Variants in LHFPL4 observed in about 807,000 individuals in gnomAD.
LHFPL4 encodes LHFPL tetraspan subfamily member 4 protein.
In LHFPL4, 6 loss-of-function variants were observed where a neutral mutation model predicts 20.0. That is an observed-to-expected ratio of 0.30 (90% CI 0.16 to 0.59). The LOEUF (loss-of-function observed/expected upper bound fraction) is 0.59. Ranked by LOEUF, LHFPL4 falls within the 20% of genes least tolerant of loss-of-function variation. The probability of loss-of-function intolerance (pLI) is 0.88; values close to 1 mark genes in which losing one functional copy is unlikely to be tolerated. For synonymous variants in LHFPL4, 129 were observed against 143.8 expected (o/e 0.90, Z 0.74); for missense variants, 215 against 331.2 (o/e 0.65, Z 2.72).
intron 3 of LHFPL4, among the ~76,000 whole-genome samples, chr3:9,502,729 C>A (rs1193895879): frequency 6.6e-6 from 1 of 151,402 alleles, no homozygotes; most frequent in African/African-American, 2.4e-5. Context: ...GTCAGAGGGG[C>A]AGAGGGGCAG....
rs2046180994 is a variant in LHFPL4 at position 9,502,127 on chromosome 3, C to T, written c.*84G>A. On this transcript the variant is annotated 3_prime_UTR_variant, in exon 4 of 4. Transcript: ENST00000287585. The stretch of plus-strand genomic sequence containing the variant: ...AGTAAGTCTGAGATCAGGGTCTTCC[C>T]TCAGAGCTTGAATGGAGTGACGAGA... 5.0e-6 allele frequency: 5 copies of T among 992,324 alleles called. 1 individual carries two copies. The highest frequency in any genetic ancestry group is 8.0e-6 in the Non-Finnish European group (5 of 626,546). The allele number at this position is 992,324 out of a possible 1,614,324, so 61.5% of individuals were successfully genotyped here. A position where few individuals can be genotyped will look rare whatever the true frequency, so the allele number is the denominator to read the frequency against.
At position 9,552,652 on chromosome 3, in the gene LHFPL4, G is replaced by A. The variant is rs141038475; in HGVS notation, c.28C>T (p.Leu10Phe). ...TTCCGCATGTAGTGCTCGTGGTAGAGCTTGGAGGCCTCCTGCGAGGGCAGC... is the reference window on the plus strand; with the variant it reads ...TTCCGCATGTAGTGCTCGTGGTAGAACTTGGAGGCCTCCTGCGAGGGCAGC... MLPSQEASK[L>F]YHEHYMRNSR... The change falls in exon 2 of 4, where the codon CTC becomes TTC. Residue 10 changes from leucine (L) to phenylalanine (F), a missense_variant. By Grantham distance (22) the Leu-to-Phe change is conservative. This residue lies in a region of LHFPL4 where 164 missense variants were observed against 286.7 expected (regional missense o/e 0.57). Coordinates refer to ENST00000287585, the MANE Select transcript of LHFPL4 (RefSeq NM_198560.3). The A allele has an allele frequency of 1.2e-6, 2 of 1,604,738 alleles. No individual in the cohort carries two copies. Among genetic ancestry groups the A allele is most frequent in the Non-Finnish European group, 1.7e-6 (2 of 1,175,920 alleles).
At chr3:9,526,007 G>A (rs1435040774) in intron 2 of LHFPL4, among the ~76,000 whole-genome samples, 6 of 152,126 alleles carry the variant, frequency 3.9e-5, no homozygotes, top group Admixed American at 1.3e-4. Flanking sequence ...AAAAAAGTAG[G>A]GGATGGTATA....
rs199638132 is a variant in LHFPL4 at position 9,536,282 on chromosome 3, C to A, written c.406+15992G>T. Among the ~76,000 whole-genome samples, 449 of 152,282 alleles carry A rather than the reference C, an allele frequency of 2.9e-3. 1 individual carries two copies. The highest frequency in any genetic ancestry group is 5.1e-3 in the Non-Finnish European group (348 of 68,020). ...TGTTCCTGCCCATCCAGGGCAGGGG[C>A]TTATCTTACAAGGGAGACTGAGCTT... On this transcript the variant is annotated intron_variant, in intron 2 of 3. Transcript: ENST00000287585.
At chr3:9,504,913 A>C (rs1335634752) in intron 3 of LHFPL4, among the ~76,000 whole-genome samples, 3 of 148,016 alleles carry the variant, frequency 2.0e-5, no homozygotes, top group Non-Finnish European at 4.5e-5. Flanking sequence ...TAAATATATC[A>C]CTCTGTCATC....
intron 2 of LHFPL4, among the ~76,000 whole-genome samples, chr3:9,525,567 C>T (rs1029687769): frequency 6.6e-6 from 1 of 152,182 alleles, no homozygotes; most frequent in African/African-American, 2.4e-5. Context: ...TTCCAAGCTT[C>T]TTACATCCCT....
chr3:9,516,499 A>G (rs900549517), intron 2 of LHFPL4, among the ~76,000 whole-genome samples: 2 of 150,936 alleles, frequency 1.3e-5, no homozygotes, highest in African/African-American at 4.9e-5. Context: ...GAGACGTTGG[A>G]GTCTCACTCT....
intron 2 of LHFPL4, 36 bp downstream of exon 2, chr3:9,552,238 G>T (rs766955767): frequency 1.3e-6 from 2 of 1,552,766 alleles, no homozygotes; most frequent in Non-Finnish European, 1.7e-6. Flanking sequence ...CGTCCCTGGC[G>T]CTTGTTCTGG....
At chr3:9,537,504 A>C (rs896471601) in intron 2 of LHFPL4, among the ~76,000 whole-genome samples, 2 of 152,208 alleles carry the variant, frequency 1.3e-5, no homozygotes, top group African/African-American at 4.8e-5. Context: ...CAAGGAGTCC[A>C]CAGCCTGTTA....
At chr3:9,507,555 C>T (rs1161025612) in intron 2 of LHFPL4, among the ~76,000 whole-genome samples, 1 of 152,186 alleles carries the variant, frequency 6.6e-6, no homozygotes, top group East Asian at 1.9e-4. Context: ...GTAATAATTA[C>T]ACAAATAAGA....
chr3:9,539,589 C>G (rs1249354355), intron 2 of LHFPL4, among the ~76,000 whole-genome samples: 2 of 149,770 alleles, frequency 1.3e-5, no homozygotes, highest in African/African-American at 5.0e-5. Flanking sequence ...AGGTATAACA[C>G]TAAACCCAGC....
rs530132942 is a variant in LHFPL4 at position 9,512,139 on chromosome 3, G to T, written c.407-5936C>A. The stretch of plus-strand genomic sequence containing the variant: ...AGTAGAGACGGGGTTTCAAGTGTTA[G>T]CCAGGATGGTCTCGATCTCCTGACC... On this transcript the variant is annotated intron_variant, in intron 2 of 3. Transcript: ENST00000287585. 3.3e-5 allele frequency among the ~76,000 whole-genome samples: 5 copies of T among 152,292 alleles called. No individual in the cohort carries two copies. In the South Asian group the frequency reaches 1.0e-3, roughly 32 times the overall value.
Position 9,506,106 on chromosome 3 carries a change from C to T in LHFPL4, c.504G>A (p.Leu168=). The part of the protein sequence containing the change: ...MCGAKTGKYS[L]GDCSVRWAYI... ...ATGCCCAGCGCACTGAACAGTCCCC[C>T]AGGGAGTACTTCCCCGTCTTGGCCC... Residue 168 remains leucine (L), a synonymous_variant, in exon 3 of 4, where the codon CTG becomes CTA. Transcript: ENST00000287585. The surrounding 1 kb of genome is among the most constrained non-coding windows in gnomAD (Gnocchi z 4.5). The T allele has an allele frequency of 6.2e-7, 1 of 1,614,204 alleles. No homozygotes were observed. Among genetic ancestry groups the T allele is most frequent in the Non-Finnish European group, 8.5e-7 (1 of 1,180,036 alleles).
In LHFPL4 at chr3:9,537,701, C is replaced by T. The variant is rs2125665006; in HGVS notation, c.406+14573G>A. 1.3e-5 allele frequency among the ~76,000 whole-genome samples: 2 copies of T among 152,254 alleles called. 1 individual carries two copies. Among genetic ancestry groups the T allele is most frequent in the Middle Eastern group, 6.8e-3 (2 of 294 alleles). ...CTCAGCCCCTCAATTGCTAATTTGC[C>T]TCCTCCTGCTCTGACTCCTGTCTCA... is the stretch of plus-strand genomic sequence containing the variant. On this transcript the variant is annotated intron_variant, in intron 2 of 3. Coordinates refer to ENST00000287585, the MANE Select transcript of LHFPL4 (RefSeq NM_198560.3).
intron 2 of LHFPL4, among the ~76,000 whole-genome samples, chr3:9,519,752 C>G (rs959365744): frequency 2.6e-5 from 4 of 152,016 alleles, no homozygotes; most frequent in Non-Finnish European, 5.9e-5. Context: ...TGAGGTCTCC[C>G]TATGGTGCCC....
In LHFPL4 at chr3:9,501,588, C is replaced by T. The variant is rs2046175076; in HGVS notation, c.*623G>A. 1 of 152,368 alleles carries T rather than the reference C, an allele frequency of 6.6e-6. No homozygotes were observed. The highest frequency in any genetic ancestry group is 1.9e-4 in the East Asian group (1 of 5,184). 9.4% of individuals were successfully genotyped at this position (152,368 alleles called of 1,614,324 possible). On this transcript the variant is annotated 3_prime_UTR_variant, in exon 4 of 4. Coordinates refer to ENST00000287585, the MANE Select transcript of LHFPL4 (RefSeq NM_198560.3). ...GGCTGATCAGGGCCCCGGTCTGCAG[C>T]TGACAGCAGGGCCCTGTGCATCCCT...
At chr3:9,540,365 C>T (rs2046469802) in intron 2 of LHFPL4, among the ~76,000 whole-genome samples, 2 of 152,146 alleles carry the variant, frequency 1.3e-5, no homozygotes, top group African/African-American at 4.8e-5. Context: ...AATATGTCCA[C>T]AAATTCTTTG....
intron 2 of LHFPL4, among the ~76,000 whole-genome samples, chr3:9,541,801 A>C (rs1282715299): frequency 1.3e-5 from 2 of 152,104 alleles, no homozygotes. Context: ...CAAAGACCTA[A>C]ATGTAAGAGC....
At chr3:9,544,647 A>C (rs2046500399) in intron 2 of LHFPL4, among the ~76,000 whole-genome samples, 1 of 152,038 alleles carries the variant, frequency 6.6e-6, no homozygotes, top group African/African-American at 2.4e-5. Context: ...CAAACAAACA[A>C]AAACAAATAA....
Sources: allele counts gnomAD v4.1 joint callset (sites outside exome capture counted in the v4.1 genomes callset), GRCh38; gene constraint gnomAD v4.1.1; regional missense constraint gnomAD v4.1.1; non-coding constraint Gnocchi (gnomAD v3.1); transcripts MANE v1.5; gene names NCBI Gene and HGNC (gene_info 2026-07-23, HGNC 2026-07-21).